GYG2: variants seen among roughly 807,000 people sequenced by gnomAD.
GYG2 encodes the protein glycogenin 2, also known as glycogenin-2.
A neutral mutation model predicts 29.4 loss-of-function variants in GYG2; 29 were observed. That is an observed-to-expected ratio of 0.99 (90% CI 0.74 to 1.35). GYG2 has a LOEUF of 1.35. Ranked by LOEUF, GYG2 falls within the 40% of genes most tolerant of loss-of-function variation. The pLI, the probability that GYG2 is intolerant of heterozygous loss-of-function variation, is 0.00. For synonymous variants in GYG2, 167 were observed against 172.3 expected, an observed-to-expected ratio of 0.97 and a Z score of 0.24; for missense variants, 370 against 385.7, an observed-to-expected ratio of 0.96 and a Z score of 0.34.
chrX:2,856,727 ATCT>A, intron 6 of GYG2, 103 bp downstream of exon 6: 2 of 546,696 alleles, frequency 3.7e-6, no homozygotes, highest in Non-Finnish European at 5.8e-6. Flanking sequence ...AACTCTATCT[ATCT>A]ATCTATCATC....
intron 3 of GYG2, among the ~76,000 whole-genome samples, chrX:2,845,703 A>G (rs2087697643): frequency 9.4e-6 from 1 of 106,192 alleles, no homozygotes; most frequent in Non-Finnish European, 1.9e-5. Flanking sequence ...TTATTTATGC[A>G]TGTGTATGTA....
At chrX:2,857,212 A>ATATC (rs1372528746) in intron 6 of GYG2, among the ~76,000 whole-genome samples, 1 of 99,110 alleles carries the variant, frequency 1.0e-5, no homozygotes, top group African/African-American at 3.6e-5. Context: ...CTAGACCTAG[A>ATATC]TATCTGTCTA....
intron 2 of GYG2, among the ~76,000 whole-genome samples, chrX:2,836,383 A>T (rs959427857): frequency 3.6e-5 from 4 of 111,076 alleles, no homozygotes; most frequent in African/African-American, 9.8e-5. Flanking sequence ...AATGTTTTCT[A>T]GTCTGGTGCG....
rs2088724914 is a variant in GYG2 at position 2,881,719 on chromosome X, T to C, written c.*506T>C. On this transcript the variant is annotated 3_prime_UTR_variant, in exon 11 of 11. Transcript: ENST00000398806. Reference sequence around the variant, plus strand: ...TAAGGAAACATTTAGACGTGGTGACTGACTTTCATTTGGACTTGGCGAAGT... The same window carrying C: ...TAAGGAAACATTTAGACGTGGTGACCGACTTTCATTTGGACTTGGCGAAGT... 8.9e-6 allele frequency: 1 copy of C among 112,174 alleles called. No individual in the cohort carries two copies. The highest frequency in any genetic ancestry group is 3.7e-4 in the South Asian group (1 of 2,693). The allele number at this position is 112,174 out of a possible 1,213,427, so 9.2% of individuals were successfully genotyped here. A position where few individuals can be genotyped will look rare whatever the true frequency, so the allele number is the denominator to read the frequency against.
At chrX:2,839,445 T>C (rs866957729) in intron 2 of GYG2, among the ~76,000 whole-genome samples, 3 of 111,333 alleles carry the variant, frequency 2.7e-5, no homozygotes, top group Middle Eastern at 4.6e-3. Flanking sequence ...TGGTTTACAC[T>C]TTTAATTACG....
At chrX:2,869,389 A>G (rs963464580) in intron 8 of GYG2, among the ~76,000 whole-genome samples, 6 of 111,218 alleles carry the variant, frequency 5.4e-5, no homozygotes, top group Non-Finnish European at 1.1e-4. Context: ...CATGGATATC[A>G]GGAGAAATTC....
chrX:2,833,640 A>G (rs1371693914), intron 2 of GYG2, among the ~76,000 whole-genome samples: 2 of 111,835 alleles, frequency 1.8e-5, no homozygotes, highest in Non-Finnish European at 3.8e-5. Flanking sequence ...ATGAAGAGAT[A>G]AAAAGCCCAT....
At position 2,861,679 on chromosome X, in the gene GYG2, T is replaced by C. The variant is rs777615188; in HGVS notation, c.995T>C (p.Val332Ala). 8.3e-7 allele frequency: 1 copy of C among 1,202,340 alleles called. No individual in the cohort carries two copies. The highest frequency in any genetic ancestry group is 3.0e-5 in the East Asian group (1 of 33,434). ...GGCCTTCCGGAGCCGACCCAGATAG[T>C]GGATGAGACCCTGTCCCTACCTGAA... ...AQGLPEPTQI[V>A]DETLSLPEGR... Residue 332 changes from valine (V) to alanine (A), a missense_variant, in exon 8 of 11, where the codon GTG becomes GCG. Coordinates refer to ENST00000398806, the MANE Select transcript of GYG2 (RefSeq NM_001079855.2).
chrX:2,865,491 A>G (rs2088275310), intron 8 of GYG2, among the ~76,000 whole-genome samples: 1 of 111,574 alleles, frequency 9.0e-6, no homozygotes, highest in African/African-American at 3.3e-5. Context: ...AACTTAAACA[A>G]TAGATATGTA....
intron 10 of GYG2, chrX:2,878,241 G>A: frequency 1.4e-6 from 1 of 716,940 alleles, no homozygotes; most frequent in South Asian, 7.2e-5. Flanking sequence ...CATGTGGTAG[G>A]TTTGGGATCC....
intron 3 of GYG2, among the ~76,000 whole-genome samples, chrX:2,843,828 G>C (rs1043897928): frequency 1.8e-5 from 2 of 111,255 alleles, no homozygotes; most frequent in African/African-American, 6.5e-5. Flanking sequence ...TTTTGGTAGA[G>C]ACAGGGTTTC....
chrX:2,836,527 T>G (rs1279525454), intron 2 of GYG2, among the ~76,000 whole-genome samples: 5 of 108,029 alleles, frequency 4.6e-5, no homozygotes, highest in Middle Eastern at 4.8e-3. Context: ...AAAAATAAAT[T>G]AGCCAGGTGT....
chrX:2,843,976 C>T (rs1205164775), intron 3 of GYG2, among the ~76,000 whole-genome samples: 1 of 112,050 alleles, frequency 8.9e-6, no homozygotes, highest in Non-Finnish European at 1.9e-5. Flanking sequence ...TTTTATAATT[C>T]TCTTTGTCTT....
intron 10 of GYG2, among the ~76,000 whole-genome samples, chrX:2,880,299 C>G (rs2088691819): frequency 9.1e-6 from 1 of 110,400 alleles, no homozygotes; most frequent in South Asian, 3.9e-4. Context: ...CTTTGCCAAG[C>G]AGTCCAAATT....
intron 6 of GYG2, among the ~76,000 whole-genome samples, chrX:2,857,530 CTATG>C (rs1191035872): frequency 8.1e-5 from 9 of 110,521 alleles, no homozygotes; most frequent in Non-Finnish European, 1.5e-4. Flanking sequence ...ATATATCTCT[CTATG>C]TATCTAGATC....
At chrX:2,852,007 C>T (rs1406045112) in intron 3 of GYG2, among the ~76,000 whole-genome samples, 2 of 112,121 alleles carry the variant, frequency 1.8e-5, no homozygotes, top group Non-Finnish European at 3.8e-5. Flanking sequence ...GTAATCCCAG[C>T]ACTTTGTGAG....
rs1569056022 is a variant in GYG2 at position 2,844,497 on chromosome X, T to TGTGCGTATATATGTGTATACGCACACGC, written c.149+1144_149+1171dup. On this transcript the variant is annotated intron_variant, in intron 3 of 10. Coordinates refer to ENST00000398806, the MANE Select transcript of GYG2 (RefSeq NM_001079855.2). ...GCATATATATGTGTATATGCACGCG[T>TGTGCGTATATATGTGTATACGCACACGC]GTGCGTATATATGTGTATACGCACA... Among the ~76,000 whole-genome samples, 8 of 105,010 alleles carry TGTGCGTATATATGTGTATACGCACACGC rather than the reference T, an allele frequency of 7.6e-5. 1 individual carries two copies. Among genetic ancestry groups the TGTGCGTATATATGTGTATACGCACACGC allele is most frequent in the East Asian group, 6.0e-4 (2 of 3,307 alleles). The allele number at this position is 105,010 out of a possible 115,157, so 91.2% of individuals were successfully genotyped here.
intron 8 of GYG2, among the ~76,000 whole-genome samples, chrX:2,866,788 T>G (rs894854201): frequency 1.9e-5 from 2 of 107,945 alleles, no homozygotes; most frequent in Non-Finnish European, 3.8e-5. Context: ...ACCCCATGAA[T>G]ATGTACAATT....
At position 2,843,225 on chromosome X, in the gene GYG2, C is replaced by T. The variant is rs1189140371; in HGVS notation, c.20C>T (p.Ala7Val). ...TTGATTTTCACAGTGACTGATCAGGCTTTTGTCACACTAGCCACCAATGAC... is the reference window on the plus strand; with the variant it reads ...TTGATTTTCACAGTGACTGATCAGGTTTTTGTCACACTAGCCACCAATGAC... MSVTDQ[A>V]FVTLATNDIY... The change falls in exon 3 of 11, where the codon GCT becomes GTT. Residue 7 changes from alanine to valine, a missense_variant. Ala to Val is a moderately conservative substitution (Grantham distance 64). Transcript: ENST00000398806. The T allele has an allele frequency of 2.5e-6, 3 of 1,205,480 alleles. No individual in the cohort carries two copies. The highest frequency in any genetic ancestry group is 3.4e-6 in the Non-Finnish European group (3 of 889,967).
Sources: gnomAD v4.1 joint callset for allele counts (sites outside exome capture counted in the v4.1 genomes callset) on GRCh38, gnomAD v4.1.1 for gene constraint, MANE v1.5 for transcripts, NCBI Gene and HGNC (gene_info 2026-07-23, HGNC 2026-07-21) for gene names.